The following PRKCE variants were observed in gnomAD, a reference collection of about 807,000 sequenced individuals.
PRKCE encodes the protein protein kinase C epsilon.
A neutral mutation model predicts 85.4 loss-of-function variants in PRKCE; 16 were observed. The observed-to-expected ratio is 0.19, with a 90% CI of 0.13 to 0.28. The LOEUF is 0.28. Ranked by LOEUF, PRKCE falls within the 10% of genes least tolerant of loss-of-function variation. PRKCE has a pLI of 1.00. For synonymous variants in PRKCE, 388 were observed against 371.5 expected, an observed-to-expected ratio of 1.04 and a Z score of -0.51; for missense variants, 573 against 975.2, an observed-to-expected ratio of 0.59 and a Z score of 5.49.
intron 10 of PRKCE, among the ~76,000 whole-genome samples, chr2:46,033,467 C>T (rs753851511): frequency 6.6e-5 from 10 of 152,220 alleles, no homozygotes; most frequent in African/African-American, 1.7e-4. Context: ...CCCAGGGAGC[C>T]GGTTAATTGG....
chr2:45,940,670 G>GT (rs1415833803), intron 2 of PRKCE, among the ~76,000 whole-genome samples: 1 of 152,144 alleles, frequency 6.6e-6, no homozygotes, highest in Non-Finnish European at 1.5e-5. Flanking sequence ...TCACTCTCAC[G>GT]TACCGCATGC....
intron 11 of PRKCE, among the ~76,000 whole-genome samples, chr2:46,093,553 G>A (rs573605149): frequency 1.4e-5 from 2 of 148,084 alleles, no homozygotes; most frequent in South Asian, 4.3e-4. Flanking sequence ...TTTTGAGATA[G>A]GGTCTTGCTC....
chr2:45,838,432 C>G (rs71416114), intron 1 of PRKCE, among the ~76,000 whole-genome samples: 7,124 of 152,266 alleles, frequency 0.047, 302 homozygotes, highest in East Asian at 0.14. Flanking sequence ...ATTAGATGAA[C>G]TAATGCAGGT....
At chr2:45,660,603 A>G (rs1238485141) in intron 1 of PRKCE, among the ~76,000 whole-genome samples, 1 of 152,228 alleles carries the variant, frequency 6.6e-6, no homozygotes, top group Non-Finnish European at 1.5e-5. Flanking sequence ...CTGAACTCAT[A>G]GAGCTATTGA....
At chr2:46,034,012 G>A (rs1310166691) in intron 10 of PRKCE, among the ~76,000 whole-genome samples, 1 of 152,236 alleles carries the variant, frequency 6.6e-6, no homozygotes, top group African/African-American at 2.4e-5. Context: ...ACCTAAAACA[G>A]GCACCAAGTC....
chr2:45,878,320 G>A (rs1312551024), intron 2 of PRKCE, among the ~76,000 whole-genome samples: 1 of 152,218 alleles, frequency 6.6e-6, no homozygotes, highest in Non-Finnish European at 1.5e-5. Context: ...TAGGTGCCTG[G>A]TAGTCCACAG....
intron 10 of PRKCE, among the ~76,000 whole-genome samples, chr2:46,043,704 G>T (rs924376548): frequency 3.3e-5 from 5 of 152,134 alleles, no homozygotes; most frequent in African/African-American, 1.2e-4. Flanking sequence ...AGGTGAAAAG[G>T]GGGTTTCTGT....
At chr2:45,842,947 T>G in intron 1 of PRKCE, 53 bp from the exon 2 acceptor site, 2 of 1,533,598 alleles carry the variant, frequency 1.3e-6, no homozygotes, top group Non-Finnish European at 9.0e-7. Flanking sequence ...GTGGAACTCT[T>G]AGGTTGCCCA....
intron 1 of PRKCE, among the ~76,000 whole-genome samples, chr2:45,678,425 A>G (rs182981900): frequency 8.1e-4 from 124 of 152,356 alleles, no homozygotes; most frequent in African/African-American, 2.8e-3. Flanking sequence ...TGCAGATTGC[A>G]ATTGTCTTGC....
chr2:45,833,132 A>G (rs1690570282), intron 1 of PRKCE, among the ~76,000 whole-genome samples: 1 of 110,674 alleles, frequency 9.0e-6, no homozygotes, highest in Non-Finnish European at 1.9e-5. Context: ...AGCCTGGGCA[A>G]CATGGCAAAA....
chr2:46,086,163 G>A (rs1485429235), intron 10 of PRKCE, 45 bp from the exon 11 acceptor site: 1 of 1,586,650 alleles, frequency 6.3e-7, no homozygotes. Context: ...TGTGTGGGCA[G>A]CTGCAATCAA....
chr2:45,843,038 C>T lies in PRKCE; in HGVS notation c.387C>T (p.Ile129=), dbSNP rs572941246. 70 of 1,614,152 alleles carry T rather than the reference C, an allele frequency of 4.3e-5. No individual in the cohort carries two copies. Among genetic ancestry groups the T allele is most frequent in the South Asian group, 2.6e-4 (24 of 91,082 alleles). ...CAGAAGGAAGAGTGTATGTGATCAT[C>T]GATCTCTCAGGGTCGTCGGGTGAAG... ...LEPEGRVYVI[I]DLSGSSGEAP... Residue 129 remains isoleucine (I), a synonymous_variant, in exon 2 of 15, where the codon ATC becomes ATT. Coordinates refer to ENST00000306156, the MANE Select transcript of PRKCE (RefSeq NM_005400.3).
intron 10 of PRKCE, among the ~76,000 whole-genome samples, chr2:46,014,920 A>C (rs1705998867): frequency 6.6e-6 from 1 of 152,238 alleles, no homozygotes; most frequent in Non-Finnish European, 1.5e-5. Context: ...ACTCCCAACC[A>C]ATGCTATCTC....
chr2:46,179,860 C>T (rs1355472045), intron 14 of PRKCE, among the ~76,000 whole-genome samples: 1 of 152,180 alleles, frequency 6.6e-6, no homozygotes, highest in African/African-American at 2.4e-5. Flanking sequence ...CTCCCTGCCT[C>T]CACTTCCCAA....
At chr2:46,109,835 G>T (rs10865212) in intron 11 of PRKCE, among the ~76,000 whole-genome samples, 103,892 of 151,940 alleles carry the variant, frequency 0.68, 36,545 homozygotes, top group East Asian at 0.94. Context: ...TAACAGTAAT[G>T]TTTTTGTAGA....
At chr2:45,738,732 G>A (rs913169712) in intron 1 of PRKCE, among the ~76,000 whole-genome samples, 1 of 152,182 alleles carries the variant, frequency 6.6e-6, no homozygotes, top group Non-Finnish European at 1.5e-5. Flanking sequence ...TATGGCCTAA[G>A]TGTTTTGCTT....
chr2:45,685,639 C>T (rs1043649335), intron 1 of PRKCE: 1 of 151,742 alleles, frequency 6.6e-6, no homozygotes, highest in African/African-American at 2.4e-5. Flanking sequence ...AAAAAAAATA[C>T]AAAAATTAGC....
At chr2:45,903,884 T>TG in intron 2 of PRKCE, among the ~76,000 whole-genome samples, 1 of 105,056 alleles carries the variant, frequency 9.5e-6, no homozygotes, top group African/African-American at 4.3e-5. Context: ...CCTGGCAGTT[T>TG]TTTTTTGTTT....
chr2:45,865,930 G>T (rs1458161795), intron 2 of PRKCE, among the ~76,000 whole-genome samples: 1 of 148,524 alleles, frequency 6.7e-6, no homozygotes, highest in Non-Finnish European at 1.5e-5. Flanking sequence ...TGATCCTACT[G>T]CTTCAGCCTC....
Sources: allele counts gnomAD v4.1 joint callset (sites outside exome capture counted in the v4.1 genomes callset), GRCh38; gene constraint gnomAD v4.1.1; transcripts MANE v1.5; gene names NCBI Gene and HGNC (gene_info 2026-07-23, HGNC 2026-07-21).